Variants in TWIST2 observed in about 807,000 individuals in gnomAD.
The protein encoded by TWIST2 is twist family bHLH transcription factor 2, also known as twist-related protein 2.
A neutral mutation model predicts 11.6 loss-of-function variants in TWIST2; 1 was observed. The ratio of observed to expected loss-of-function variants is 0.09; its 90% confidence interval spans 0.03 to 0.41. The LOEUF (loss-of-function observed/expected upper bound fraction) is 0.41. TWIST2 is among the 10% of genes least tolerant of loss of function. The probability of loss-of-function intolerance (pLI) is 0.98; values close to 1 mark genes in which losing one functional copy is unlikely to be tolerated. For missense variants in TWIST2, 168 were observed against 226.4 expected (o/e 0.74, Z 1.66); for synonymous variants, 87 against 96.6 (o/e 0.90, Z 0.58).
chr2:238,893,297 ATT>A (rs550776661), intron 1 of TWIST2, among the ~76,000 whole-genome samples: 1 of 95,356 alleles, frequency 1.0e-5, no homozygotes, highest in South Asian at 4.5e-4. Flanking sequence ...ACAGTTTCGC[ATT>A]TTAAAAACGG....
chr2:238,886,670 T>TGG (rs1237127133), intron 1 of TWIST2: 1 of 151,616 alleles, frequency 6.6e-6, no homozygotes, highest in Admixed American at 6.6e-5. Context: ...GAGCGAAGGG[T>TGG]GGAGACAGAG....
chr2:238,891,058 A>G (rs1240646599), intron 1 of TWIST2, among the ~76,000 whole-genome samples: 1 of 152,228 alleles, frequency 6.6e-6, no homozygotes, highest in Non-Finnish European at 1.5e-5. Flanking sequence ...TCAGTTCTGC[A>G]GTTCACTCAC....
At chr2:238,856,169 T>C (rs1692326016) in intron 1 of TWIST2, among the ~76,000 whole-genome samples, 1 of 152,136 alleles carries the variant, frequency 6.6e-6, no homozygotes, top group African/African-American at 2.4e-5. Flanking sequence ...CTTGTGTGAC[T>C]GCGAAGGTGT....
Position 238,882,044 on chromosome 2 carries a change from C to T in TWIST2, c.*36-27798C>T, listed in dbSNP as rs370427366. Among the ~76,000 whole-genome samples, 12 of 150,772 alleles carry T rather than the reference C, an allele frequency of 8.0e-5. No individual in the cohort carries two copies. The East Asian group carries it at 1.7e-3, about 22-fold the overall frequency. On this transcript the variant is annotated intron_variant, in intron 1 of 1. Transcript: ENST00000612363. ...TCTGTGTCCCTGTCTGTCTGCCTGACTCTGTTTCTGTCTCTCTCTCTCTGT... is the reference window on the plus strand; with the variant it reads ...TCTGTGTCCCTGTCTGTCTGCCTGATTCTGTTTCTGTCTCTCTCTCTCTGT...
intron 1 of TWIST2, among the ~76,000 whole-genome samples, chr2:238,873,218 G>T (rs777163151): frequency 1.3e-5 from 2 of 152,140 alleles, no homozygotes; most frequent in African/African-American, 2.4e-5. Context: ...AGCCTCCCAC[G>T]TGCTGGGCTC....
intron 1 of TWIST2, among the ~76,000 whole-genome samples, chr2:238,870,604 CACATCACAT>C (rs1692663148): frequency 3.0e-5 from 3 of 100,772 alleles, no homozygotes; most frequent in Admixed American, 9.1e-5. Flanking sequence ...ACCCCACACA[CACATCACAT>C]ACCACACACA....
chr2:238,875,051 C>T lies in TWIST2; in HGVS notation c.*35+26318C>T, dbSNP rs1460446064. 3.9e-5 allele frequency among the ~76,000 whole-genome samples: 6 copies of T among 152,148 alleles called. No individual in the cohort carries two copies. The East Asian group carries it at 9.6e-4, about 24-fold the overall frequency. On this transcript the variant is annotated intron_variant, in intron 1 of 1. Transcript: ENST00000612363. ...GTTTGGAAGGACAGCAGAGCAGGCA[C>T]AGCTGGAAGGATTTATTTTTCTCTT...
chr2:238,848,771 G>GGGGGCGGGCGGCAGGGGCGCA, intron 1 of TWIST2, 38 bp downstream of exon 1: 2 of 1,318,932 alleles, frequency 1.5e-6, no homozygotes, highest in Non-Finnish European at 1.9e-6. Flanking sequence ...CTCCGCTGCG[G>GGGGGCGGGCGGCAGGGGCGCA]GGGGCGGGCG....
chr2:238,869,155 A>G (rs1692600905), intron 1 of TWIST2, among the ~76,000 whole-genome samples: 1 of 152,220 alleles, frequency 6.6e-6, no homozygotes, highest in Admixed American at 6.5e-5. Context: ...AGCAACGTGG[A>G]CTTGTTTGCA....
intron 1 of TWIST2, among the ~76,000 whole-genome samples, chr2:238,887,935 G>A (rs963250577): frequency 3.3e-5 from 5 of 152,192 alleles, no homozygotes; most frequent in Admixed American, 3.3e-4. Flanking sequence ...ACATGAGCAG[G>A]AAAACCATCT....
intron 1 of TWIST2, among the ~76,000 whole-genome samples, chr2:238,871,502 A>G (rs1453725489): frequency 1.1e-5 from 1 of 92,826 alleles, no homozygotes; most frequent in Non-Finnish European, 2.2e-5. Context: ...CACACACACC[A>G]CACCCCACAC....
chr2:238,886,996 G>C (rs1486324148), intron 1 of TWIST2: 3 of 151,930 alleles, frequency 2.0e-5, no homozygotes, highest in Non-Finnish European at 4.4e-5. Context: ...ATACATCTTG[G>C]AGTTGTTTTT....
intron 1 of TWIST2, among the ~76,000 whole-genome samples, chr2:238,879,250 T>A (rs1692862253): frequency 6.6e-6 from 1 of 151,558 alleles, no homozygotes; most frequent in Non-Finnish European, 1.5e-5. Flanking sequence ...AGACCAATAA[T>A]CAGGGCTCTG....
At chr2:238,850,611 A>T (rs1692225028) in intron 1 of TWIST2, among the ~76,000 whole-genome samples, 1 of 152,148 alleles carries the variant, frequency 6.6e-6, no homozygotes, top group Non-Finnish European at 1.5e-5. Flanking sequence ...AAATAATCGC[A>T]CTCCTCAAAA....
chr2:238,888,377 A>G (rs1321618425), intron 1 of TWIST2, among the ~76,000 whole-genome samples: 1 of 152,148 alleles, frequency 6.6e-6, no homozygotes, highest in East Asian at 1.9e-4. Flanking sequence ...ATTCAACCTG[A>G]ATTCTTTAAA....
intron 1 of TWIST2, among the ~76,000 whole-genome samples, chr2:238,859,104 C>A (rs1004657088): frequency 1.3e-5 from 2 of 150,336 alleles, no homozygotes; most frequent in African/African-American, 4.9e-5. Context: ...TCCAGCTACT[C>A]GGGAGGCTGA....
chr2:238,848,202 G>C lies in TWIST2; in HGVS notation c.-14G>C. On this transcript the variant is annotated 5_prime_UTR_variant, in exon 1 of 2. Coordinates refer to ENST00000612363, the MANE Select transcript of TWIST2 (RefSeq NM_001271893.4). ...CCCCGGCGCCCCCAGCCCCACGCGC[G>C]CCGGGCGGGCGCCATGGAGGAGGGC... 7.8e-7 allele frequency: 1 copy of C among 1,278,536 alleles called. No individual in the cohort carries two copies. The allele number at this position is 1,278,536 out of a possible 1,614,324, so 79.2% of individuals were successfully genotyped here.
chr2:238,896,244 G>A (rs1415035303), intron 1 of TWIST2, among the ~76,000 whole-genome samples: 38 of 152,216 alleles, frequency 2.5e-4, no homozygotes, highest in Admixed American at 2.5e-3. Context: ...CGCCCCATGT[G>A]TGGGGCATCC....
intron 1 of TWIST2, among the ~76,000 whole-genome samples, chr2:238,865,927 C>T (rs140129105): frequency 0.017 from 2,619 of 152,262 alleles, 96 homozygotes; most frequent in East Asian, 0.13. Context: ...CCGCCGGGGT[C>T]GGATCGGCCC....
Sources: gnomAD v4.1 joint callset for allele counts (sites outside exome capture counted in the v4.1 genomes callset) on GRCh38, gnomAD v4.1.1 for gene constraint, MANE v1.5 for transcripts, NCBI Gene and HGNC (gene_info 2026-07-23, HGNC 2026-07-21) for gene names.